The following CNTN1 variants were observed in gnomAD, a reference collection of about 807,000 sequenced individuals.
CNTN1 encodes contactin-1.
A neutral mutation model predicts 126.4 loss-of-function variants in CNTN1; 38 were observed. That is an observed-to-expected ratio of 0.30 (90% CI 0.23 to 0.39). The LOEUF is 0.39. Ranked by LOEUF, CNTN1 falls within the 10% of genes least tolerant of loss-of-function variation. The pLI is 1.00. For synonymous variants in CNTN1, 413 were observed against 422.6 expected, an observed-to-expected ratio of 0.98 and a Z score of 0.28; for missense variants, 1,009 against 1,248.4, an observed-to-expected ratio of 0.81 and a Z score of 2.89.
At chr12:40,840,844 A>G (rs1488283226) in intron 1 of CNTN1, among the ~76,000 whole-genome samples, 2 of 151,958 alleles carry the variant, frequency 1.3e-5, no homozygotes, top group African/African-American at 4.8e-5. Flanking sequence ...AGAGAATTTT[A>G]TAGCAATAAA....
intron 2 of CNTN1, among the ~76,000 whole-genome samples, chr12:40,909,782 T>A (rs995660778): frequency 4.0e-4 from 61 of 151,132 alleles, no homozygotes; most frequent in African/African-American, 1.4e-3. Flanking sequence ...AAAGAAAAAA[T>A]TTGGTAAAGT....
Position 40,944,062 on chromosome 12 carries a change from G to A in CNTN1, c.1575G>A (p.Gln525=). 1 of 1,613,546 alleles carries A rather than the reference G, an allele frequency of 6.2e-7. No individual in the cohort carries two copies. Among genetic ancestry groups the A allele is most frequent in the Non-Finnish European group, 8.5e-7 (1 of 1,179,638 alleles). The change falls in exon 14 of 24, where the codon CAG becomes CAA. Residue 525 remains glutamine, a synonymous_variant. Coordinates refer to ENST00000551295, the MANE Select transcript of CNTN1 (RefSeq NM_001843.4). The part of the protein sequence containing the change: ...DITVGENATM[Q]CAASFDPALD... The stretch of plus-strand genomic sequence containing the variant: ...CAGTTGGAGAAAACGCCACCATGCA[G>A]TGTGCTGCGTCCTTTGATCCTGCCT...
intron 3 of CNTN1, among the ~76,000 whole-genome samples, chr12:40,912,818 G>A (rs1395778937): frequency 6.6e-6 from 1 of 152,130 alleles, no homozygotes; most frequent in African/African-American, 2.4e-5. Context: ...ATAGCAGTCA[G>A]TGACCTGTCT....
At chr12:41,047,066 T>G (rs1020991655) in intron 23 of CNTN1, among the ~76,000 whole-genome samples, 1 of 151,982 alleles carries the variant, frequency 6.6e-6, no homozygotes, top group African/African-American at 2.4e-5. Flanking sequence ...AGAAGCCATA[T>G]GCCCCTACCA....
intron 3 of CNTN1, among the ~76,000 whole-genome samples, chr12:40,911,802 C>G (rs1945047563): frequency 6.6e-6 from 1 of 152,112 alleles, no homozygotes; most frequent in African/African-American, 2.4e-5. Context: ...CACTACATGT[C>G]CAGAGTTGGG....
At chr12:40,720,837 G>A (rs1403206104) in intron 1 of CNTN1, among the ~76,000 whole-genome samples, 1 of 151,902 alleles carries the variant, frequency 6.6e-6, no homozygotes, top group Admixed American at 6.6e-5. Flanking sequence ...GCTGAGGCAG[G>A]GGAATCCCTC....
In CNTN1 at chr12:40,897,448, TATTG is replaced by T. The variant is rs1944450177; in HGVS notation, c.-76-10898_-76-10895del. Among the ~76,000 whole-genome samples, 3 of 152,262 alleles carry T rather than the reference TATTG, an allele frequency of 2.0e-5. No individual in the cohort carries two copies. The South Asian group carries it at 6.2e-4, about 32-fold the overall frequency. ...TTTCACATAGCAGGTACTCAGGAAG[TATTG>T]ATTGATTGATAAGACTTGGATTTGA... On this transcript the variant is annotated intron_variant, in intron 1 of 23. Transcript: ENST00000551295.
chr12:40,706,240 A>G (rs1157104442), intron 1 of CNTN1, among the ~76,000 whole-genome samples: 3 of 149,408 alleles, frequency 2.0e-5, no homozygotes, highest in Non-Finnish European at 3.0e-5. Context: ...TACATTAGGT[A>G]TATCTCCTAA....
chr12:41,016,463 C>G lies in CNTN1; in HGVS notation c.2185-219C>G, dbSNP rs76096615. On this transcript the variant is annotated intron_variant, in intron 18 of 23. Coordinates refer to ENST00000551295, the MANE Select transcript of CNTN1 (RefSeq NM_001843.4). ...AAGGAAAAAGGCCCGGAGTGAGAGG[C>G]CCCTGAGGTGTTCTAGGAGTAGTGA... Among the ~76,000 whole-genome samples the G allele has an allele frequency of 0.05, 7,620 of 152,076 alleles. 216 individuals carry two copies. The highest frequency in any genetic ancestry group is 0.12 in the Middle Eastern group (35 of 292).
chr12:41,008,481 CT>C (rs1240303381), intron 17 of CNTN1, among the ~76,000 whole-genome samples: 2 of 152,072 alleles, frequency 1.3e-5, no homozygotes, highest in Non-Finnish European at 2.9e-5. Context: ...TCTAGGTCAT[CT>C]TTTTTAACTT....
intron 19 of CNTN1, among the ~76,000 whole-genome samples, chr12:41,018,554 AAATTT>A (rs1948833490): frequency 6.6e-6 from 1 of 151,772 alleles, no homozygotes; most frequent in Admixed American, 6.6e-5. Flanking sequence ...ATACATAACA[AAATTT>A]AATATAAAAG....
chr12:40,861,572 G>A (rs1943116007), intron 1 of CNTN1, among the ~76,000 whole-genome samples: 1 of 151,574 alleles, frequency 6.6e-6, no homozygotes, highest in South Asian at 2.1e-4. Flanking sequence ...TTGAAATACT[G>A]CTGGATTGCT....
intron 1 of CNTN1, among the ~76,000 whole-genome samples, chr12:40,790,038 T>C (rs7294835): frequency 0.96 from 146,489 of 152,184 alleles, 70,744 homozygotes; most frequent in East Asian, 1. Context: ...ATTTTGCTGA[T>C]CTTCCCACAT....
Position 40,943,701 on chromosome 12 carries a change from G to C in CNTN1, c.1484G>C (p.Ser495Thr), listed in dbSNP as rs201639044. The change falls in exon 13 of 24, where the codon AGC becomes ACC. Residue 495 changes from serine to threonine, a missense_variant. Ser to Thr is a moderately conservative substitution (Grantham distance 58). Transcript: ENST00000551295. Reference sequence around the variant, plus strand: ...GAAAATAACAGAGGGAAAGCTAATAGCACTGGAACCCTTGTTATCACAGGT... The same window carrying C: ...GAAAATAACAGAGGGAAAGCTAATACCACTGGAACCCTTGTTATCACAGGT... ...FAENNRGKANSTGTLVITDPT... is the reference protein window; with the variant it reads ...FAENNRGKANTTGTLVITDPT... 6.2e-7 allele frequency: 1 copy of C among 1,612,716 alleles called. No individual in the cohort carries two copies. Among genetic ancestry groups the C allele is most frequent in the South Asian group, 1.1e-5 (1 of 91,046 alleles).
intron 17 of CNTN1, among the ~76,000 whole-genome samples, chr12:41,003,273 T>G (rs2120618425): frequency 6.6e-6 from 1 of 152,352 alleles, no homozygotes; most frequent in South Asian, 2.1e-4. Flanking sequence ...TAAACAAGCC[T>G]TGCTTCCCAG....
chr12:41,016,605 G>A, intron 18 of CNTN1, 77 bp from the exon 19 acceptor site: 6 of 901,564 alleles, frequency 6.7e-6, no homozygotes, highest in Non-Finnish European at 1.1e-5. Flanking sequence ...GCCTCCGTGT[G>A]TGTCATTATC....
At chr12:40,830,791 G>A (rs1442117736) in intron 1 of CNTN1, among the ~76,000 whole-genome samples, 12 of 75,822 alleles carry the variant, frequency 1.6e-4, no homozygotes, top group African/African-American at 2.1e-4. Context: ...AAAGTATAGT[G>A]TATATATATA....
At chr12:41,039,803 C>A (rs1949355546) in intron 23 of CNTN1, among the ~76,000 whole-genome samples, 1 of 151,744 alleles carries the variant, frequency 6.6e-6, no homozygotes, top group Admixed American at 6.6e-5. Context: ...AAGTGGAGAT[C>A]AAGGAAAACA....
chr12:40,839,367 A>T (rs962837256), intron 1 of CNTN1, among the ~76,000 whole-genome samples: 2 of 152,208 alleles, frequency 1.3e-5, no homozygotes, highest in Non-Finnish European at 2.9e-5. Flanking sequence ...TGTTTAACGA[A>T]ATGATAGATG....
Sources: allele counts gnomAD v4.1 joint callset (sites outside exome capture counted in the v4.1 genomes callset), GRCh38; gene constraint gnomAD v4.1.1; transcripts MANE v1.5; gene names NCBI Gene and HGNC (gene_info 2026-07-23, HGNC 2026-07-21).